The following SLA variants were observed in gnomAD, a reference collection of about 807,000 sequenced individuals.
SLA encodes the protein Src like adaptor, also known as src-like-adapter.
A neutral mutation model predicts 30.3 loss-of-function variants in SLA; 16 were observed. That is an observed-to-expected ratio of 0.53 (90% CI 0.36 to 0.80). The LOEUF (loss-of-function observed/expected upper bound fraction) is 0.80, where lower values mean the gene tolerates loss of function less well. SLA is among the 30% of genes least tolerant of loss of function. The pLI is 0.01. For missense variants in SLA, 310 were observed against 345.2 expected (o/e 0.90, Z 0.81); for synonymous variants, 143 against 137.8 (o/e 1.04, Z -0.26).
intron 1 of SLA, 81 bp downstream of exon 1, chr8:133,102,472 G>A (rs733735): frequency 0.5 from 642,918 of 1,294,318 alleles, 162,115 homozygotes; most frequent in Middle Eastern, 0.52. Flanking sequence ...AAGTCCCTCT[G>A]AAGACCCTCC....
chr8:133,085,881 G>A (rs925746514), intron 1 of SLA, among the ~76,000 whole-genome samples: 2 of 152,128 alleles, frequency 1.3e-5, no homozygotes, highest in African/African-American at 4.8e-5. Flanking sequence ...ATACATTCAA[G>A]AGACATGAAA....
At chr8:133,047,564 G>A (rs1839663078) in intron 6 of SLA, 1 of 495,164 alleles carries the variant, frequency 2.0e-6, no homozygotes, top group Non-Finnish European at 3.7e-6. Flanking sequence ...GTTCTCAGTT[G>A]CTGGAAAAAT....
At chr8:133,078,097 C>T (rs187787037) in intron 1 of SLA, among the ~76,000 whole-genome samples, 1 of 152,322 alleles carries the variant, frequency 6.6e-6, no homozygotes, top group East Asian at 1.9e-4. Context: ...CTCTCTGGTA[C>T]ACATCTAAGA....
At chr8:133,050,296 A>G (rs1487670898) in intron 4 of SLA, 1 of 411,282 alleles carries the variant, frequency 2.4e-6, no homozygotes, top group Non-Finnish European at 4.5e-6. Flanking sequence ...AATGTTTACT[A>G]TGTTGATTTA....
chr8:133,078,714 C>T (rs1002353642), intron 1 of SLA, among the ~76,000 whole-genome samples: 1 of 152,192 alleles, frequency 6.6e-6, no homozygotes, highest in African/African-American at 2.4e-5. Flanking sequence ...TCTCTGTTTT[C>T]CAGGCCCAGA....
chr8:133,039,953 G>GTACA, intron 8 of SLA, 45 bp downstream of exon 8: 1 of 1,433,552 alleles, frequency 7.0e-7, no homozygotes, highest in Non-Finnish European at 9.4e-7. Flanking sequence ...GCACTTGCAT[G>GTACA]CACACACACA....
At chr8:133,101,580 G>A (rs909450891) in intron 1 of SLA, among the ~76,000 whole-genome samples, 1 of 141,940 alleles carries the variant, frequency 7.0e-6, no homozygotes, top group Non-Finnish European at 1.6e-5. Flanking sequence ...ATCAATTGCA[G>A]TAAATTGCCA....
At chr8:133,058,901 TCTGCATCTGA>T (rs1217429736) in intron 3 of SLA, among the ~76,000 whole-genome samples, 20 of 152,342 alleles carry the variant, frequency 1.3e-4, no homozygotes, top group African/African-American at 3.8e-4. Context: ...CTAGGATTGT[TCTGCATCTGA>T]CTTGAAAGGG....
intron 1 of SLA, chr8:133,096,472 G>A: frequency 1.4e-6 from 2 of 1,457,070 alleles, no homozygotes; most frequent in Non-Finnish European, 1.9e-6. Flanking sequence ...ACCAATTGCT[G>A]AGTAACTACT....
chr8:133,073,612 C>T (rs1844407409), intron 2 of SLA, among the ~76,000 whole-genome samples: 1 of 152,180 alleles, frequency 6.6e-6, no homozygotes, highest in Non-Finnish European at 1.5e-5. Context: ...CTTACCTCTC[C>T]ACTTTTCGAA....
rs1036947490 is a variant in SLA at position 133,048,019 on chromosome 8, C to A, written c.249-86G>T. ...AATGCGCCACCCACCGTACTAAGCA[C>A]CTGAAACCTAATCCTCACCTCAACC... is the stretch of plus-strand genomic sequence containing the variant. On this transcript the variant is annotated intron_variant, in intron 5 of 8. Transcript: ENST00000338087. The A allele has an allele frequency of 5.5e-6, 4 of 726,368 alleles. No individual in the cohort carries two copies. In the African/African-American group the frequency reaches 7.0e-5, roughly 13 times the overall value. 45.0% of individuals were successfully genotyped at this position (726,368 alleles called of 1,614,324 possible).
chr8:133,049,258 C>T, intron 5 of SLA: 1 of 417,030 alleles, frequency 2.4e-6, no homozygotes, highest in South Asian at 1.7e-5. Flanking sequence ...GTTTATCTTA[C>T]CCATTTTTCA....
At chr8:133,090,082 C>A (rs1389488070) in intron 1 of SLA, 1 of 152,234 alleles carries the variant, frequency 6.6e-6, no homozygotes. Context: ...CTAAATGGGG[C>A]TTGAGACTTA....
chr8:133,068,832 C>T (rs147946818), intron 2 of SLA, among the ~76,000 whole-genome samples: 1,845 of 152,380 alleles, frequency 0.012, 22 homozygotes, highest in Non-Finnish European at 0.018. Flanking sequence ...ACAGAGGCCC[C>T]CAACACAGGG....
intron 1 of SLA, among the ~76,000 whole-genome samples, chr8:133,090,281 C>T (rs1277064529): frequency 2.6e-5 from 4 of 152,236 alleles, no homozygotes; most frequent in African/African-American, 9.6e-5. Context: ...TGGTTTCTCC[C>T]AGGAGAAGCA....
chr8:133,063,295 T>C (rs1842643564), intron 2 of SLA, among the ~76,000 whole-genome samples: 1 of 123,836 alleles, frequency 8.1e-6, no homozygotes, highest in South Asian at 2.9e-4. Flanking sequence ...CTCCCCTCCA[T>C]CCCCTCCCCC....
intron 7 of SLA, among the ~76,000 whole-genome samples, chr8:133,042,824 G>A (rs1223786856): frequency 6.6e-6 from 1 of 151,408 alleles, no homozygotes; most frequent in Admixed American, 6.6e-5. Flanking sequence ...CTTCCGAATA[G>A]TTGGGATTAC....
At chr8:133,043,040 TG>T (rs760895342) in intron 7 of SLA, among the ~76,000 whole-genome samples, 1 of 152,178 alleles carries the variant, frequency 6.6e-6, no homozygotes, top group African/African-American at 2.4e-5. Flanking sequence ...AGTGGCCATG[TG>T]GCTCCCACTT....
Position 133,077,764 on chromosome 8 carries a change from TGTTTGTA to T in SLA, c.-318-2641_-318-2635del, listed in dbSNP as rs1335151222. Among the ~76,000 whole-genome samples the T allele has an allele frequency of 1.0e-4, 15 of 148,704 alleles. 1 individual carries two copies. The South Asian group carries it at 3.0e-3, about 30-fold the overall frequency. On this transcript the variant is annotated intron_variant, in intron 1 of 8. Coordinates refer to ENST00000338087, the MANE Select transcript of SLA (RefSeq NM_001045556.3). ...GTGTGTGTGTGTGTGTGTGTGTGTG[TGTTTGTA>T]TGTGTGTGTGTGCGGCAGAGTTGCA...
Sources: gnomAD v4.1 joint callset for allele counts (sites outside exome capture counted in the v4.1 genomes callset) on GRCh38, gnomAD v4.1.1 for gene constraint, MANE v1.5 for transcripts, NCBI Gene and HGNC (gene_info 2026-07-23, HGNC 2026-07-21) for gene names.